HS6ST3: variants seen among roughly 807,000 people sequenced by gnomAD.
HS6ST3 encodes the protein heparan sulfate 6-O-sulfotransferase 3.
Under a neutral mutation model 36.7 loss-of-function variants are expected in HS6ST3, and 12 were observed. The ratio of observed to expected loss-of-function variants is 0.33; its 90% confidence interval spans 0.21 to 0.53. HS6ST3 has a LOEUF of 0.53. Ranked by LOEUF, HS6ST3 falls within the 20% of genes least tolerant of loss-of-function variation. The pLI is 0.95. For missense variants in HS6ST3, 584 were observed against 640.9 expected (o/e 0.91, Z 0.96); for synonymous variants, 240 against 257.5 (o/e 0.93, Z 0.65).
In HS6ST3 at chr13:96,121,052, G is replaced by A. The variant is rs1023500071; in HGVS notation, c.707+29483G>A. 2.6e-5 allele frequency among the ~76,000 whole-genome samples: 4 copies of A among 152,156 alleles called. No homozygotes were observed. In the East Asian group the frequency reaches 7.7e-4, roughly 29 times the overall value. ...GCACAAAGGTTTCATTTCCAAGTCC[G>A]AGACCTAAAACAGAAACTGTTAGAA... On this transcript the variant is annotated intron_variant, in intron 1 of 1. Coordinates refer to ENST00000376705, the MANE Select transcript of HS6ST3 (RefSeq NM_153456.4).
intron 1 of HS6ST3, among the ~76,000 whole-genome samples, chr13:96,614,055 T>C (rs1049908299): frequency 5.3e-5 from 8 of 151,762 alleles, no homozygotes; most frequent in Non-Finnish European, 4.4e-5. Flanking sequence ...TTCCAGCACT[T>C]TGGGAGGCCG....
intron 1 of HS6ST3, among the ~76,000 whole-genome samples, chr13:96,337,721 A>G (rs2055108891): frequency 6.6e-6 from 1 of 152,126 alleles, no homozygotes; most frequent in Admixed American, 6.5e-5. Context: ...GAACCATTAA[A>G]AGAAAATATT....
chr13:96,193,794 G>A (rs2054299946), intron 1 of HS6ST3, among the ~76,000 whole-genome samples: 1 of 152,172 alleles, frequency 6.6e-6, no homozygotes, highest in Non-Finnish European at 1.5e-5. Context: ...GAGGAGTAGT[G>A]AAGTTTCTTA....
At chr13:96,392,044 C>T (rs556527411) in intron 1 of HS6ST3, among the ~76,000 whole-genome samples, 1 of 152,298 alleles carries the variant, frequency 6.6e-6, no homozygotes, top group African/African-American at 2.4e-5. Flanking sequence ...GTGAATAAGG[C>T]CCACTCTCTG....
At chr13:96,364,458 A>G (rs1290180891) in intron 1 of HS6ST3, among the ~76,000 whole-genome samples, 1 of 152,216 alleles carries the variant, frequency 6.6e-6, no homozygotes, top group Non-Finnish European at 1.5e-5. Flanking sequence ...GCATGTTGCA[A>G]CAGGGATGCA....
At chr13:96,803,840 G>A (rs577468942) in intron 1 of HS6ST3, among the ~76,000 whole-genome samples, 6 of 152,160 alleles carry the variant, frequency 3.9e-5, no homozygotes, top group African/African-American at 1.4e-4. Flanking sequence ...TTAGTAATGT[G>A]GAATATACAT....
chr13:96,539,118 G>T (rs1355568230), intron 1 of HS6ST3, among the ~76,000 whole-genome samples: 4 of 152,118 alleles, frequency 2.6e-5, no homozygotes, highest in Non-Finnish European at 5.9e-5. Context: ...GAAAAAAGTG[G>T]CCAACAGAAT....
intron 1 of HS6ST3, among the ~76,000 whole-genome samples, chr13:96,327,209 T>C (rs75700029): frequency 0.37 from 54,974 of 150,040 alleles, 10,401 homozygotes; most frequent in African/African-American, 0.46. Context: ...CAATTCTGGC[T>C]TTTGTTGCCA....
chr13:96,552,609 G>A (rs1160382763), intron 1 of HS6ST3, among the ~76,000 whole-genome samples: 1 of 152,144 alleles, frequency 6.6e-6, no homozygotes, highest in Non-Finnish European at 1.5e-5. Context: ...TGGACATCCC[G>A]GCCAGCAAGA....
At chr13:96,826,065 T>A (rs1878639860) in intron 1 of HS6ST3, among the ~76,000 whole-genome samples, 1 of 152,188 alleles carries the variant, frequency 6.6e-6, no homozygotes, top group Admixed American at 6.5e-5. Context: ...TACAATAAAC[T>A]GCTCAGTGAA....
rs191875941 is a variant in HS6ST3 at position 96,587,985 on chromosome 13, T to G, written c.708-244505T>G. 8.6e-4 allele frequency among the ~76,000 whole-genome samples: 131 copies of G among 152,356 alleles called. 1 individual carries two copies. The highest frequency in any genetic ancestry group is 3.0e-3 in the African/African-American group (124 of 41,584). ...TATTTTACCTGCTTGGTTAAATTTATTTCTAATTGTTTTATGTTTTGATGC... is the reference window on the plus strand; with the variant it reads ...TATTTTACCTGCTTGGTTAAATTTAGTTCTAATTGTTTTATGTTTTGATGC... On this transcript the variant is annotated intron_variant, in intron 1 of 1. Coordinates refer to ENST00000376705, the MANE Select transcript of HS6ST3 (RefSeq NM_153456.4).
chr13:96,724,946 T>C (rs887868839), intron 1 of HS6ST3, among the ~76,000 whole-genome samples: 1 of 152,196 alleles, frequency 6.6e-6, no homozygotes, highest in Non-Finnish European at 1.5e-5. Flanking sequence ...AATTGCCAAA[T>C]GGTCTTCCAA....
intron 1 of HS6ST3, among the ~76,000 whole-genome samples, chr13:96,359,175 GA>G (rs1403874226): frequency 6.6e-6 from 1 of 152,128 alleles, no homozygotes; most frequent in Non-Finnish European, 1.5e-5. Context: ...AACTCGGCAA[GA>G]TGAGTGGGGT....
intron 1 of HS6ST3, among the ~76,000 whole-genome samples, chr13:96,555,175 G>T (rs1242205033): frequency 6.6e-6 from 1 of 152,058 alleles, no homozygotes; most frequent in African/African-American, 2.4e-5. Flanking sequence ...TAAGAGAGTA[G>T]ATTTTAAGTG....
At chr13:96,733,744 A>C (rs1297986747) in intron 1 of HS6ST3, among the ~76,000 whole-genome samples, 1 of 152,200 alleles carries the variant, frequency 6.6e-6, no homozygotes, top group African/African-American at 2.4e-5. Context: ...AACTCTTGGC[A>C]TACCGTGAGC....
intron 1 of HS6ST3, among the ~76,000 whole-genome samples, chr13:96,606,520 A>T (rs2056439172): frequency 6.6e-6 from 1 of 151,828 alleles, no homozygotes; most frequent in African/African-American, 2.4e-5. Context: ...AAAACTAAAC[A>T]TTAAATACAC....
chr13:96,187,597 C>G lies in HS6ST3; in HGVS notation c.707+96028C>G, dbSNP rs543552604. 2.0e-5 allele frequency among the ~76,000 whole-genome samples: 3 copies of G among 152,266 alleles called. No homozygotes were observed. In the South Asian group the frequency reaches 6.2e-4, roughly 32 times the overall value. ...TTAGGTTATAGAATAGGTTCTGGCACTTGAATATTGGCTGTAGACTGCTGG... is the reference window on the plus strand; with the variant it reads ...TTAGGTTATAGAATAGGTTCTGGCAGTTGAATATTGGCTGTAGACTGCTGG... On this transcript the variant is annotated intron_variant, in intron 1 of 1. Transcript: ENST00000376705.
intron 1 of HS6ST3, among the ~76,000 whole-genome samples, chr13:96,531,710 G>GT (rs2056136042): frequency 6.6e-6 from 1 of 152,100 alleles, no homozygotes; most frequent in Non-Finnish European, 1.5e-5. Flanking sequence ...AACGACAATC[G>GT]TAACAGCAAC....
intron 1 of HS6ST3, among the ~76,000 whole-genome samples, chr13:96,754,049 C>A (rs1488361374): frequency 6.6e-6 from 1 of 152,124 alleles, no homozygotes; most frequent in Non-Finnish European, 1.5e-5. Flanking sequence ...GAACTCCTGA[C>A]CTCAAGTGAT....
Sources: allele counts gnomAD v4.1 joint callset (sites outside exome capture counted in the v4.1 genomes callset), GRCh38; gene constraint gnomAD v4.1.1; transcripts MANE v1.5; gene names NCBI Gene and HGNC (gene_info 2026-07-23, HGNC 2026-07-21).